The following LRRC66 variants were observed in gnomAD, a reference collection of about 807,000 sequenced individuals.
LRRC66 encodes the protein leucine-rich repeat-containing protein 66.
A neutral mutation model predicts 24.6 loss-of-function variants in LRRC66; 29 were observed. The ratio of observed to expected loss-of-function variants is 1.18; its 90% confidence interval spans 0.88 to 1.61. The LOEUF is 1.61. Ranked by LOEUF, LRRC66 falls within the 40% of genes most tolerant of loss-of-function variation. The pLI is 0.00. For missense variants in LRRC66, 1,124 were observed against 1,058.0 expected (o/e 1.06, Z -0.87); for synonymous variants, 411 against 397.6 (o/e 1.03, Z -0.40).
In LRRC66 at chr4:51,994,622, C is replaced by T. The variant is rs779477923; in HGVS notation, c.2400G>A (p.Glu800=). ...LENASDTDRS[E]GLSPWPRSPG... ...GTGACCTGGGCCAGGGTGACAGGCC[C>T]TCAGATCTATCAGTGTCAGAGGCAT... is the stretch of plus-strand genomic sequence containing the variant. Residue 800 remains glutamate (E), a synonymous_variant, in exon 5 of 5, where the codon GAG becomes GAA. Coordinates refer to ENST00000682860, the MANE Select transcript of LRRC66 (RefSeq NM_001024611.3). 1.9e-6 allele frequency: 3 copies of T among 1,614,162 alleles called. No homozygotes were observed. Among genetic ancestry groups the T allele is most frequent in the South Asian group, 2.2e-5 (2 of 91,074 alleles).
rs1343045922 is a variant in LRRC66, at chr4:51,995,856, A to T, written c.1166T>A (p.Val389Asp). ...VCLSVFITFL[V>D]AFSLGAFTRP... is the part of the protein sequence containing the mutation. The stretch of plus-strand genomic sequence containing the variant: ...TGTGAAAGCCCCCAGGCTGAAGGCG[A>T]CAAGGAATGTGATGAACACTGACAG... The change falls in exon 5 of 5, where the codon GTC becomes GAC. Residue 389 changes from valine to aspartate, a missense_variant. Physicochemically the swap from Val to Asp is radical, Grantham distance 152. Coordinates refer to ENST00000682860, the MANE Select transcript of LRRC66 (RefSeq NM_001024611.3). 1.2e-6 allele frequency: 2 copies of T among 1,614,068 alleles called. No homozygotes were observed. The highest frequency in any genetic ancestry group is 2.2e-5 in the East Asian group (1 of 44,880).
intron 2 of LRRC66, among the ~76,000 whole-genome samples, chr4:52,015,821 ATTGC>A (rs1736796678): frequency 6.6e-6 from 1 of 151,076 alleles, no homozygotes; most frequent in Non-Finnish European, 1.5e-5. Context: ...TATTTGTGAG[ATTGC>A]TTAATTATAT....
intron 3 of LRRC66, among the ~76,000 whole-genome samples, chr4:52,001,861 A>T (rs889671814): frequency 3.3e-5 from 5 of 152,208 alleles, no homozygotes; most frequent in African/African-American, 1.2e-4. Context: ...GAACACTGGG[A>T]AAACCTCAGT....
intron 2 of LRRC66, among the ~76,000 whole-genome samples, chr4:52,009,918 G>T (rs1736663414): frequency 6.6e-6 from 1 of 152,070 alleles, no homozygotes; most frequent in Admixed American, 6.6e-5. Context: ...TATTCCTCAT[G>T]AACATAGGTG....
At chr4:52,009,674 T>G (rs2110200413) in intron 2 of LRRC66, among the ~76,000 whole-genome samples, 1 of 152,272 alleles carries the variant, frequency 6.6e-6, no homozygotes, top group East Asian at 1.9e-4. Context: ...ACCCTGCATC[T>G]ATTAATGAAA....
intron 2 of LRRC66, among the ~76,000 whole-genome samples, chr4:52,010,130 T>A (rs1015128257): frequency 7.9e-5 from 12 of 152,106 alleles, no homozygotes; most frequent in Non-Finnish European, 1.6e-4. Context: ...AAACTGGGAA[T>A]AGAGAGAATT....
chr4:51,995,926 C>A lies in LRRC66; in HGVS notation c.1096G>T (p.Gly366Cys). Residue 366 changes from glycine to cysteine, a missense_variant, in exon 5 of 5, where the codon GGC becomes TGC. Coordinates refer to ENST00000682860, the MANE Select transcript of LRRC66 (RefSeq NM_001024611.3). ...TCCTGGGGAGCGTCCTCTTTTTTGC[C>A]GGCAGCCTGCACATCGCGGGTGCTT... is the stretch of plus-strand genomic sequence containing the variant. ...VRSTRDVQAAGKKEDAPQDLA... is the reference protein window; with the variant it reads ...VRSTRDVQAACKKEDAPQDLA... 6.2e-7 allele frequency: 1 copy of A among 1,613,928 alleles called. No individual in the cohort carries two copies. The highest frequency in any genetic ancestry group is 8.5e-7 in the Non-Finnish European group (1 of 1,179,952).
intron 1 of LRRC66, chr4:52,018,490 C>T (rs1371389249): frequency 6.4e-5 from 63 of 985,226 alleles, no homozygotes; most frequent in Non-Finnish European, 7.5e-5. Context: ...ATTGTCCCTT[C>T]CTTTCTGTTC....
chr4:52,008,622 C>A (rs1736636030), intron 2 of LRRC66, among the ~76,000 whole-genome samples: 1 of 152,014 alleles, frequency 6.6e-6, no homozygotes, highest in African/African-American at 2.4e-5. Context: ...AATGGAGCAA[C>A]ATTTAAACAA....
chr4:51,995,883 C>G lies in LRRC66; in HGVS notation c.1139G>C (p.Cys380Ser), dbSNP rs1211865309. 1.2e-6 allele frequency: 2 copies of G among 1,614,016 alleles called. No homozygotes were observed. The highest frequency in any genetic ancestry group is 1.7e-5 in the Admixed American group (1 of 60,000). Residue 380 changes from cysteine to serine, a missense_variant, in exon 5 of 5, where the codon TGC (cysteine) becomes TCC (serine). Transcript: ENST00000682860. ...AAGGAATGTGATGAACACTGACAGG[C>G]ACACCGCCAGAGCCAGGTCCTGGGG... ...DAPQDLALAVCLSVFITFLVA... is the reference protein window; with the variant it reads ...DAPQDLALAVSLSVFITFLVA...
chr4:52,018,513 G>C (rs1736868937), intron 1 of LRRC66: 2 of 985,130 alleles, frequency 2.0e-6, no homozygotes, highest in Admixed American at 6.2e-5. Flanking sequence ...ATGGCACTCA[G>C]TTTAGTTTTC....
At position 52,003,359 on chromosome 4, in the gene LRRC66, T is replaced by C; in HGVS notation, c.530A>G (p.Asp177Gly). 4 of 1,613,518 alleles carry C rather than the reference T, an allele frequency of 2.5e-6. No homozygotes were observed. Among genetic ancestry groups the C allele is most frequent in the Non-Finnish European group, 2.5e-6 (3 of 1,179,840 alleles). Residue 177 changes from aspartate (D) to glycine (G), a missense_variant, in exon 3 of 5, where the codon GAT becomes GGT. Transcript: ENST00000682860. ...TTGCAATATCCCATTGAATGACAGA[T>C]CCAAACTCTGCAATGACTTCAGTTT... ...LWKLKSLQSL[D>G]LSFNGILQIG...
chr4:52,004,920 A>AAG (rs1256615379), intron 2 of LRRC66, among the ~76,000 whole-genome samples: 1 of 152,256 alleles, frequency 6.6e-6, no homozygotes, highest in East Asian at 1.9e-4. Flanking sequence ...AAAGAGTTTA[A>AAG]TATGGTCCAA....
chr4:51,995,268 G>T lies in LRRC66; in HGVS notation c.1754C>A (p.Thr585Lys), dbSNP rs932159850. Residue 585 changes from threonine (T) to lysine (K), a missense_variant, in exon 5 of 5, where the codon ACA becomes AAA. By Grantham distance (78) the Thr-to-Lys change is moderately conservative. Coordinates refer to ENST00000682860, the MANE Select transcript of LRRC66 (RefSeq NM_001024611.3). ...TGTTAGCATTTTACAGAGGGAAGCTGTTATTTCTCCGGAGAGGGAAGGGTC... is the reference window on the plus strand; with the variant it reads ...TGTTAGCATTTTACAGAGGGAAGCTTTTATTTCTCCGGAGAGGGAAGGGTC... ...ELDPSLSGEI[T>K]ASLCKMLTHA... 4 of 1,614,116 alleles carry T rather than the reference G, an allele frequency of 2.5e-6. No individual in the cohort carries two copies. The highest frequency in any genetic ancestry group is 3.3e-4 in the Middle Eastern group (2 of 6,084).
At position 51,996,115 on chromosome 4, in the gene LRRC66, T is replaced by C. The variant is rs756051907; in HGVS notation, c.907A>G (p.Thr303Ala). The change falls in exon 5 of 5, where the codon ACC becomes GCC. Residue 303 changes from threonine (T) to alanine (A), a missense_variant. Physicochemically the swap from Thr to Ala is moderately conservative, Grantham distance 58. Coordinates refer to ENST00000682860, the MANE Select transcript of LRRC66 (RefSeq NM_001024611.3). ...TGCAGATGAATGGGAGGAAGGCGGG[T>C]TTCCCTGGAAATCCTGCTCTGGGGA... ...GTPQSRISRE[T>A]RLPPIHLHRM... is the part of the protein sequence containing the mutation. The C allele has an allele frequency of 1.9e-6, 3 of 1,613,942 alleles. No homozygotes were observed. The highest frequency in any genetic ancestry group is 2.2e-5 in the South Asian group (2 of 91,062).
intron 1 of LRRC66, chr4:52,018,360 T>C (rs373590695): frequency 1.0e-6 from 1 of 984,756 alleles, no homozygotes; most frequent in African/African-American, 1.7e-5. Context: ...AATGGCTGAA[T>C]GTATCACAAA....
chr4:52,014,595 C>T (rs994703300), intron 2 of LRRC66, among the ~76,000 whole-genome samples: 2 of 152,180 alleles, frequency 1.3e-5, no homozygotes, highest in Non-Finnish European at 1.5e-5. Context: ...ATGCCCTAGG[C>T]AGCATCTCTC....
Position 52,003,292 on chromosome 4 carries a change from A to C in LRRC66, c.597T>G (p.Asn199Lys), listed in dbSNP as rs1364572910. The change falls in exon 3 of 5, where the codon AAT becomes AAG. Residue 199 changes from asparagine to lysine, a missense_variant. Transcript: ENST00000682860. ...SDFHNCLQLE[N>K]LCLKSNKIFK... ...ATATCTTGTTGCTCTTTAAACAGAG[A>C]TTCTCCAGTTGCAGGCAGTTGTGAA... 6.2e-7 allele frequency: 1 copy of C among 1,613,992 alleles called. No homozygotes were observed. The highest frequency in any genetic ancestry group is 1.3e-5 in the African/African-American group (1 of 75,060).
chr4:51,999,300 T>C (rs954427216), intron 3 of LRRC66, among the ~76,000 whole-genome samples: 9 of 152,234 alleles, frequency 5.9e-5, no homozygotes, highest in South Asian at 4.1e-4. Flanking sequence ...ATTTACATTT[T>C]GGGTTATGTA....
Sources: allele counts gnomAD v4.1 joint callset (sites outside exome capture counted in the v4.1 genomes callset), GRCh38; gene constraint gnomAD v4.1.1; transcripts MANE v1.5; gene names NCBI Gene and HGNC (gene_info 2026-07-23, HGNC 2026-07-21).